Variants in CDH13 observed in about 807,000 individuals in gnomAD.
CDH13 encodes cadherin 13, also known as cadherin-13.
Under a neutral mutation model 63.8 loss-of-function variants are expected in CDH13, and 24 were observed. That is an observed-to-expected ratio of 0.38 (90% CI 0.27 to 0.53). The LOEUF is 0.53. Among genes scored for constraint, CDH13 ranks in the 20% least tolerant of loss-of-function variants. The pLI, the probability that CDH13 is intolerant of heterozygous loss-of-function variation, is 0.85. For missense variants in CDH13, 1,049 were observed against 903.1 expected, an observed-to-expected ratio of 1.16 and a Z score of -2.07; for synonymous variants, 503 against 355.3, an observed-to-expected ratio of 1.42 and a Z score of -4.67.
At chr16:83,214,754 C>T (rs951269566) in intron 4 of CDH13, among the ~76,000 whole-genome samples, 1 of 151,966 alleles carries the variant, frequency 6.6e-6, no homozygotes, top group African/African-American at 2.4e-5. Context: ...TTATAGATGC[C>T]ATCTCATTAA....
At position 83,795,294 on chromosome 16, in the gene CDH13, G is replaced by A; in HGVS notation, c.*264G>A. 4.2e-6 allele frequency: 2 copies of A among 471,376 alleles called. No individual in the cohort carries two copies. Among genetic ancestry groups the A allele is most frequent in the Non-Finnish European group, 7.6e-6 (2 of 263,336 alleles). 29.2% of individuals were successfully genotyped at this position (471,376 alleles called of 1,614,324 possible). ...CATGACATATGACTTGATCTTCTGGGAGCAGGAACAATGACTACTTTTTCT... is the reference window on the plus strand; with the variant it reads ...CATGACATATGACTTGATCTTCTGGAAGCAGGAACAATGACTACTTTTTCT... On this transcript the variant is annotated 3_prime_UTR_variant, in exon 14 of 14. Transcript: ENST00000567109.
intron 4 of CDH13, among the ~76,000 whole-genome samples, chr16:83,166,759 G>C (rs1459800751): frequency 1.3e-5 from 2 of 152,102 alleles, no homozygotes; most frequent in East Asian, 1.9e-4. Context: ...TTCTAATTCA[G>C]ATTTTTCAAA....
intron 2 of CDH13, among the ~76,000 whole-genome samples, chr16:82,982,031 T>C (rs1045741221): frequency 6.6e-6 from 1 of 152,190 alleles, no homozygotes; most frequent in Non-Finnish European, 1.5e-5. Flanking sequence ...TCTAACAGCA[T>C]GGTATATGAA....
intron 13 of CDH13, among the ~76,000 whole-genome samples, chr16:83,786,610 C>G (rs1202305555): frequency 6.7e-6 from 1 of 150,098 alleles, no homozygotes; most frequent in African/African-American, 2.5e-5. Flanking sequence ...TTTTTTGAGA[C>G]AGAGTCTCAC....
chr16:83,388,901 T>A (rs1192147127), intron 6 of CDH13, among the ~76,000 whole-genome samples: 1 of 152,188 alleles, frequency 6.6e-6, no homozygotes, highest in Non-Finnish European at 1.5e-5. Flanking sequence ...ACAGGTGATC[T>A]GTGTGCTCAT....
In CDH13 at chr16:83,227,002, G is replaced by A. The variant is rs372614368; in HGVS notation, c.636+9505G>A. ...GGTGTGGACTGGAAGACAGAGGAGC[G>A]AAAGAGGGGATACGGACAGGTTGTC... is the stretch of plus-strand genomic sequence containing the variant. On this transcript the variant is annotated intron_variant, in intron 5 of 13. Coordinates refer to ENST00000567109, the MANE Select transcript of CDH13 (RefSeq NM_001257.5). Among the ~76,000 whole-genome samples, 529 of 152,310 alleles carry A rather than the reference G, an allele frequency of 3.5e-3. 2 individuals carry two copies. The highest frequency in any genetic ancestry group is 5.8e-3 in the South Asian group (28 of 4,828).
At chr16:83,696,597 A>G (rs1335492409) in intron 10 of CDH13, among the ~76,000 whole-genome samples, 5 of 152,218 alleles carry the variant, frequency 3.3e-5, no homozygotes, top group African/African-American at 1.2e-4. Flanking sequence ...AGTTATAAAG[A>G]TGCAACATTT....
At chr16:83,506,248 A>G (rs1370324172) in intron 7 of CDH13, among the ~76,000 whole-genome samples, 1 of 152,180 alleles carries the variant, frequency 6.6e-6, no homozygotes, top group Non-Finnish European at 1.5e-5. Flanking sequence ...GCTCCTCTGT[A>G]TCCTCTCAAA....
intron 3 of CDH13, among the ~76,000 whole-genome samples, chr16:83,064,366 CA>C (rs1397491474): frequency 6.6e-6 from 1 of 150,946 alleles, no homozygotes; most frequent in African/African-American, 2.4e-5. Flanking sequence ...GAGACTGTCT[CA>C]AAAAAAAGAA....
chr16:83,672,623 C>T (rs1025693532), intron 9 of CDH13, among the ~76,000 whole-genome samples: 1 of 151,724 alleles, frequency 6.6e-6, no homozygotes, highest in Non-Finnish European at 1.5e-5. Context: ...CGGGGTCTCA[C>T]CAGGTTGGCC....
intron 2 of CDH13, among the ~76,000 whole-genome samples, chr16:82,945,180 A>G (rs1425374663): frequency 1.3e-5 from 2 of 152,220 alleles, no homozygotes; most frequent in Non-Finnish European, 2.9e-5. Context: ...AAAGGACAAG[A>G]TAGTAAATAT....
At chr16:82,627,475 C>T (rs918222293) in intron 1 of CDH13, among the ~76,000 whole-genome samples, 1 of 151,976 alleles carries the variant, frequency 6.6e-6, no homozygotes, top group Admixed American at 6.5e-5. Flanking sequence ...ACTTTGGTTC[C>T]CTCCTCCGGA....
intron 2 of CDH13, among the ~76,000 whole-genome samples, chr16:82,916,739 T>A (rs991087118): frequency 2.2e-4 from 33 of 152,228 alleles, no homozygotes; most frequent in Non-Finnish European, 4.4e-4. Context: ...TTATGTTTGT[T>A]AAAATATTTA....
chr16:83,541,201 C>T (rs2075290218), intron 7 of CDH13, among the ~76,000 whole-genome samples: 1 of 152,164 alleles, frequency 6.6e-6, no homozygotes, highest in Non-Finnish European at 1.5e-5. Flanking sequence ...TCTAACCCTG[C>T]TGCCTGTTGA....
intron 1 of CDH13, among the ~76,000 whole-genome samples, chr16:82,807,208 C>G (rs1246518814): frequency 6.6e-6 from 1 of 151,874 alleles, no homozygotes; most frequent in Non-Finnish European, 1.5e-5. Flanking sequence ...CAGCAATTGG[C>G]CAGATTGTTA....
At chr16:82,725,663 A>T (rs2033053047) in intron 1 of CDH13, among the ~76,000 whole-genome samples, 1 of 152,192 alleles carries the variant, frequency 6.6e-6, no homozygotes, top group Admixed American at 6.5e-5. Flanking sequence ...TTTTCTCTAT[A>T]CATTGTACCT....
chr16:82,934,447 C>T (rs775564040), intron 2 of CDH13, among the ~76,000 whole-genome samples: 1 of 152,178 alleles, frequency 6.6e-6, no homozygotes, highest in Non-Finnish European at 1.5e-5. Flanking sequence ...GGCCTCAGGG[C>T]CTGTGATGGC....
At chr16:83,103,571 A>T (rs2034619540) in intron 3 of CDH13, among the ~76,000 whole-genome samples, 1 of 152,164 alleles carries the variant, frequency 6.6e-6, no homozygotes, top group African/African-American at 2.4e-5. Flanking sequence ...GTGGAAAGAC[A>T]GCACATGCAG....
chr16:83,549,955 G>C (rs1267962591), intron 7 of CDH13, among the ~76,000 whole-genome samples: 1 of 152,174 alleles, frequency 6.6e-6, no homozygotes, highest in African/African-American at 2.4e-5. Flanking sequence ...CGTCTTGCTG[G>C]TACAATCTGG....
Sources: allele counts gnomAD v4.1 joint callset (sites outside exome capture counted in the v4.1 genomes callset), GRCh38; gene constraint gnomAD v4.1.1; transcripts MANE v1.5; gene names NCBI Gene and HGNC (gene_info 2026-07-23, HGNC 2026-07-21).